The following RUNX3 variants were observed in gnomAD, a reference collection of about 807,000 sequenced individuals.
RUNX3 encodes runt-related transcription factor 3.
RUNX3 carries 10 observed loss-of-function variants against 27.7 expected under a neutral mutation model. The observed-to-expected ratio is 0.36, with a 90% CI of 0.22 to 0.61. RUNX3 has a LOEUF of 0.61. Among genes scored for constraint, RUNX3 ranks in the 20% least tolerant of loss-of-function variants. RUNX3 has a pLI of 0.72. For missense variants in RUNX3, 469 were observed against 629.5 expected, an observed-to-expected ratio of 0.75 and a Z score of 2.73; for synonymous variants, 270 against 269.2, an observed-to-expected ratio of 1.00 and a Z score of -0.03.
upstream of RUNX3, among the ~76,000 whole-genome samples, chr1:24,931,262 C>T (rs79211218): frequency 0.022 from 3,404 of 152,330 alleles, 61 homozygotes; most frequent in Non-Finnish European, 0.034. Flanking sequence ...TCTTCTTGGG[C>T]CCGTGCGCTC....
chr1:24,945,781 C>A (rs1230558296), intron 2 of RUNX3, among the ~76,000 whole-genome samples: 1 of 152,176 alleles, frequency 6.6e-6, no homozygotes, highest in African/African-American at 2.4e-5. Context: ...TCTCTGACTG[C>A]TGAACTCCTC....
At chr1:24,913,014 G>A (rs1640824623) in intron 3 of RUNX3, among the ~76,000 whole-genome samples, 1 of 152,174 alleles carries the variant, frequency 6.6e-6, no homozygotes, top group South Asian at 2.1e-4. Context: ...AGGGTTGAGA[G>A]TGCAATTTCC....
chr1:24,905,284 A>G (rs569292502), intron 4 of RUNX3, among the ~76,000 whole-genome samples: 1 of 152,288 alleles, frequency 6.6e-6, no homozygotes, highest in African/African-American at 2.4e-5. Context: ...CAGATGAGAA[A>G]ACTGAGGCTG....
exon 2 of RUNX3, chr1:24,964,595 A>G (rs767643069): frequency 6.2e-7 from 1 of 1,600,936 alleles, no homozygotes; most frequent in South Asian, 1.1e-5. Flanking sequence ...GAAGGCGAGA[A>G]TTTTCAGCCC....
intron 2 of RUNX3, among the ~76,000 whole-genome samples, chr1:24,919,752 AC>A (rs369959281): frequency 2.6e-3 from 342 of 133,894 alleles, no homozygotes; most frequent in South Asian, 5.1e-3. Flanking sequence ...AAGAAAAGAC[AC>A]CCCCCCCCCA....
intron 4 of RUNX3, among the ~76,000 whole-genome samples, chr1:24,906,184 G>T (rs545774956): frequency 5.9e-5 from 9 of 152,332 alleles, no homozygotes; most frequent in African/African-American, 2.2e-4. Context: ...CAGGCAGACC[G>T]GTTGGCAGCC....
chr1:24,932,665 G>A (rs966305076), upstream of RUNX3, among the ~76,000 whole-genome samples: 1 of 152,156 alleles, frequency 6.6e-6, no homozygotes, highest in Admixed American at 6.5e-5. Context: ...CACAGAACAG[G>A]CTAGCTTGTT....
chr1:24,908,232 A>ACGACACGCGG (rs1640720389), intron 3 of RUNX3, among the ~76,000 whole-genome samples: 2 of 149,984 alleles, frequency 1.3e-5, no homozygotes, highest in African/African-American at 2.5e-5. Context: ...CTGAACCTCT[A>ACGACACGCGG]TGACACGCGG....
Position 24,943,433 on chromosome 1 carries a change from C to T in RUNX3, c.59-13581G>A, listed in dbSNP as rs997309025. Among the ~76,000 whole-genome samples the T allele has an allele frequency of 3.9e-5, 6 of 152,194 alleles. No homozygotes were observed. Among genetic ancestry groups the T allele is most frequent in the Non-Finnish European group, 5.9e-5 (4 of 68,046 alleles). On this transcript the variant is annotated intron_variant, in intron 2 of 6. Transcript: ENST00000338888. The surrounding 1 kb of genome is among the most constrained non-coding windows in gnomAD (Gnocchi z 4.6). ...GGTGCCAGGCACGGTTCTGAGAACT[C>T]ACACAGCTTAACTCTTCATCCTTGC... is the stretch of plus-strand genomic sequence containing the variant.
At chr1:24,964,633 G>A (rs976584619) in exon 2 of RUNX3, 63 of 1,564,994 alleles carry the variant, frequency 4.0e-5, no homozygotes, top group Non-Finnish European at 5.3e-5. Context: ...GGATTCACTT[G>A]GTTGGCTGTT....
intron 2 of RUNX3, among the ~76,000 whole-genome samples, chr1:24,953,498 A>C (rs72876143): frequency 0.058 from 8,787 of 152,134 alleles, 831 homozygotes; most frequent in African/African-American, 0.2. Flanking sequence ...AATAGTTAAA[A>C]TGAAATAAGA....
intron 2 of RUNX3, among the ~76,000 whole-genome samples, chr1:24,954,785 AG>A (rs1641872212): frequency 1.3e-5 from 2 of 152,204 alleles, no homozygotes; most frequent in South Asian, 4.1e-4. Flanking sequence ...TGATAAAAAC[AG>A]GGCTCGTGAG....
At chr1:24,957,380 C>T (rs907354882) in intron 2 of RUNX3, among the ~76,000 whole-genome samples, 1 of 148,202 alleles carries the variant, frequency 6.7e-6, no homozygotes, top group African/African-American at 2.5e-5. Context: ...ATCCATCCAT[C>T]CATTCTTTCT....
chr1:24,928,466 G>C (rs1156341418), intron 1 of RUNX3, among the ~76,000 whole-genome samples: 3 of 152,118 alleles, frequency 2.0e-5, no homozygotes, highest in Non-Finnish European at 4.4e-5. Flanking sequence ...TTTTGAAAAA[G>C]AATCAGACTT....
intron 2 of RUNX3, among the ~76,000 whole-genome samples, chr1:24,953,961 A>G (rs952917344): frequency 3.3e-5 from 5 of 152,046 alleles, no homozygotes; most frequent in Admixed American, 6.6e-5. Flanking sequence ...CGCCCAAGCT[A>G]GAGTGCAGTG....
chr1:24,956,274 T>C (rs969059820), intron 2 of RUNX3, among the ~76,000 whole-genome samples: 1 of 152,258 alleles, frequency 6.6e-6, no homozygotes, highest in Non-Finnish European at 1.5e-5. Flanking sequence ...TCTTCCTCTT[T>C]CTTTCTCTGA....
chr1:24,910,179 C>T (rs1640769591), intron 3 of RUNX3, among the ~76,000 whole-genome samples: 1 of 151,526 alleles, frequency 6.6e-6, no homozygotes, highest in South Asian at 2.1e-4. Flanking sequence ...ATCCCAACTA[C>T]TTGGGAGGCT....
Position 24,927,542 on chromosome 1 carries a change from T to G in RUNX3, c.439+32A>C, listed in dbSNP as rs192023038. ...TCCCTGCTGCCCCTGCCATTGCCAA[T>G]GCTGAAATGGCGAGGCCTCCCTTCC... On this transcript the variant is annotated intron_variant, in intron 2 of 4. Coordinates refer to ENST00000308873, the MANE Select transcript of RUNX3 (RefSeq NM_004350.3). The surrounding 1 kb of genome is among the most constrained non-coding windows in gnomAD (Gnocchi z 5.0). 9 of 1,611,666 alleles carry G rather than the reference T, an allele frequency of 5.6e-6. No homozygotes were observed.
intron 2 of RUNX3, among the ~76,000 whole-genome samples, chr1:24,958,292 A>G (rs1241819730): frequency 6.6e-6 from 1 of 152,254 alleles, no homozygotes; most frequent in Admixed American, 6.5e-5. Flanking sequence ...CCCAGCTACC[A>G]TGCAGTTTAA....
Sources: gnomAD v4.1 joint callset for allele counts (sites outside exome capture counted in the v4.1 genomes callset) on GRCh38, gnomAD v4.1.1 for gene constraint, Gnocchi (gnomAD v3.1) non-coding constraint, MANE v1.5 for transcripts, NCBI Gene and HGNC (gene_info 2026-07-23, HGNC 2026-07-21) for gene names.